The following PAFAH1B1 variants were observed in gnomAD, a reference collection of about 807,000 sequenced individuals.
PAFAH1B1 encodes platelet activating factor acetylhydrolase 1b regulatory subunit 1.
A neutral mutation model predicts 57.5 loss-of-function variants in PAFAH1B1; 2 were observed. That is an observed-to-expected ratio of 0.03 (90% CI 0.01 to 0.11). The LOEUF (loss-of-function observed/expected upper bound fraction) is 0.11. PAFAH1B1 is among the 10% of genes least tolerant of loss of function. The probability of loss-of-function intolerance (pLI) is 1.00; values close to 1 mark genes in which losing one functional copy is unlikely to be tolerated. For missense variants in PAFAH1B1, 257 were observed against 512.0 expected (o/e 0.50, Z 4.81); for synonymous variants, 152 against 169.6 (o/e 0.90, Z 0.81).
At position 2,667,069 on chromosome 17, in the gene PAFAH1B1, C is replaced by T; in HGVS notation, c.270C>T (p.Asp90=). Residue 90 remains aspartate, a synonymous_variant, in exon 5 of 11, where the codon GAC becomes GAT. Coordinates refer to ENST00000397195, the MANE Select transcript of PAFAH1B1 (RefSeq NM_000430.4). ...TSGGPLGQKR[D]PKEWIPRPPE... ...GTGGACCTCTTGGTCAGAAACGAGACCCAAAAGAATGGATTCCCCGTCCGC... is the reference window on the plus strand; with the variant it reads ...GTGGACCTCTTGGTCAGAAACGAGATCCAAAAGAATGGATTCCCCGTCCGC... The T allele has an allele frequency of 6.2e-7, 1 of 1,613,840 alleles. No individual in the cohort carries two copies.
intron 1 of PAFAH1B1, among the ~76,000 whole-genome samples, chr17:2,621,908 C>T (rs1453770120): frequency 2.6e-5 from 4 of 152,146 alleles, no homozygotes; most frequent in Non-Finnish European, 5.9e-5. Flanking sequence ...TTCCACATGG[C>T]TGGGGAGGCT....
At chr17:2,603,286 T>A (rs1021951926) in intron 1 of PAFAH1B1, among the ~76,000 whole-genome samples, 10 of 151,640 alleles carry the variant, frequency 6.6e-5, no homozygotes, top group African/African-American at 2.4e-4. Context: ...AGTAGCTGGG[T>A]CTACAGGCCC....
chr17:2,678,102 C>A (rs966858022), intron 9 of PAFAH1B1, among the ~76,000 whole-genome samples: 15 of 151,270 alleles, frequency 9.9e-5, no homozygotes, highest in African/African-American at 3.4e-4. Context: ...ACTAAAATTA[C>A]AAAAATTAGC....
At position 2,594,675 on chromosome 17, in the gene PAFAH1B1, G is replaced by A. The variant is rs555890536; in HGVS notation, c.-191+669G>A. Among the ~76,000 whole-genome samples the A allele has an allele frequency of 5.4e-3, 823 of 152,344 alleles. 6 individuals are homozygous for A. The highest frequency in any genetic ancestry group is 0.017 in the South Asian group (80 of 4,830). Reference sequence around the variant, plus strand: ...AGCCCGGCCCACCGAGCAATCCGCAGCATCCACCCACCGAATCTGGCAGGA... The same window carrying A: ...AGCCCGGCCCACCGAGCAATCCGCAACATCCACCCACCGAATCTGGCAGGA... On this transcript the variant is annotated intron_variant, in intron 1 of 10. Coordinates refer to ENST00000397195, the MANE Select transcript of PAFAH1B1 (RefSeq NM_000430.4).
chr17:2,677,952 TGATATA>T (rs2069298141), intron 9 of PAFAH1B1, among the ~76,000 whole-genome samples: 1 of 152,038 alleles, frequency 6.6e-6, no homozygotes, highest in Non-Finnish European at 1.5e-5. Context: ...TAAGAAAAGA[TGATATA>T]TAATTAAAAT....
At chr17:2,677,592 C>A (rs982399349) in intron 9 of PAFAH1B1, among the ~76,000 whole-genome samples, 1 of 152,196 alleles carries the variant, frequency 6.6e-6, no homozygotes, top group Non-Finnish European at 1.5e-5. Flanking sequence ...CGGTGGCTCA[C>A]GCCTGTAATC....
chr17:2,643,640 A>G (rs1408184539), intron 2 of PAFAH1B1, among the ~76,000 whole-genome samples: 2 of 150,866 alleles, frequency 1.3e-5, no homozygotes, highest in Admixed American at 6.6e-5. Context: ...GCTCCCTGCA[A>G]CCTCTGCCTC....
intron 1 of PAFAH1B1, among the ~76,000 whole-genome samples, chr17:2,620,430 A>G (rs1332839091): frequency 2.0e-5 from 3 of 152,208 alleles, no homozygotes; most frequent in Non-Finnish European, 2.9e-5. Context: ...TGATTATCTA[A>G]AAAATAGATT....
At position 2,683,819 on chromosome 17, in the gene PAFAH1B1, C is replaced by G. The variant is rs1471476459; in HGVS notation, c.*2017C>G. 6.6e-6 allele frequency: 1 copy of G among 152,578 alleles called. No homozygotes were observed. Among genetic ancestry groups the G allele is most frequent in the Non-Finnish European group, 1.5e-5 (1 of 68,028 alleles). The allele number at this position is 152,578 out of a possible 1,614,324, so 9.5% of individuals were successfully genotyped here. ...CTTTGTTCTTGTTTGCTGCTATTTT[C>G]TGTCCTATTTTGAGAAATATAAATA... On this transcript the variant is annotated 3_prime_UTR_variant, in exon 11 of 11. Coordinates refer to ENST00000397195, the MANE Select transcript of PAFAH1B1 (RefSeq NM_000430.4).
rs2068757548 is a variant in PAFAH1B1, at chr17:2,645,617, A to G, written c.32+7297A>G. ...CAAAAATATATATATTTATATATAT[A>G]TATATATTTTTTGTTAGACGGAGTC... On this transcript the variant is annotated intron_variant, in intron 2 of 10. Coordinates refer to ENST00000397195, the MANE Select transcript of PAFAH1B1 (RefSeq NM_000430.4). 4.1e-5 allele frequency among the ~76,000 whole-genome samples: 6 copies of G among 145,076 alleles called. No individual in the cohort carries two copies. The South Asian group carries it at 1.1e-3, about 27-fold the overall frequency.
rs1260633137 is a variant in PAFAH1B1, at chr17:2,683,450, G to C, written c.*1648G>C. On this transcript the variant is annotated 3_prime_UTR_variant, in exon 11 of 11. Transcript: ENST00000397195. ...TTAAATGTCCCCTTTAGTATTTAAT[G>C]GAAAATTGGTTCCTGCAAAAGACAA... 1.3e-5 allele frequency: 2 copies of C among 152,148 alleles called. No homozygotes were observed. The highest frequency in any genetic ancestry group is 2.9e-5 in the Non-Finnish European group (2 of 68,036). The allele number at this position is 152,148 out of a possible 1,614,324, so 9.4% of individuals were successfully genotyped here. A position where few individuals can be genotyped will look rare whatever the true frequency, so the allele number is the denominator to read the frequency against.
At chr17:2,636,267 GTGATGGCTTTCAGCTA>G (rs1255129889) in intron 1 of PAFAH1B1, among the ~76,000 whole-genome samples, 9 of 152,162 alleles carry the variant, frequency 5.9e-5, no homozygotes, top group African/African-American at 2.2e-4. Flanking sequence ...TGGAGTGATA[GTGATGGCTTTCAGCTA>G]TCATTTGTAG....
At chr17:2,678,704 A>T (rs973096678) in intron 9 of PAFAH1B1, among the ~76,000 whole-genome samples, 12 of 152,094 alleles carry the variant, frequency 7.9e-5, no homozygotes, top group Non-Finnish European at 7.4e-5. Context: ...ACATAACAAG[A>T]CCCTGTCTCT....
rs765106555 is a variant in PAFAH1B1 at position 2,672,651 on chromosome 17, T to G, written c.569-4T>G. On this transcript the variant is annotated splice_polypyrimidine_tract_variant and splice_region_variant and intron_variant, in intron 6 of 10. Transcript: ENST00000397195. ...TCATAATATATTGCTGTTATGTGTTTTAGGCCATGACCACAATGTTTCTTC... is the reference window on the plus strand; with the variant it reads ...TCATAATATATTGCTGTTATGTGTTGTAGGCCATGACCACAATGTTTCTTC... 9 of 1,591,940 alleles carry G rather than the reference T, an allele frequency of 5.7e-6. No individual in the cohort carries two copies. The highest frequency in any genetic ancestry group is 6.0e-6 in the Non-Finnish European group (7 of 1,159,810).
chr17:2,621,619 T>G (rs1274308220), intron 1 of PAFAH1B1, among the ~76,000 whole-genome samples: 1 of 56,994 alleles, frequency 1.8e-5, no homozygotes, highest in East Asian at 8.0e-4. Context: ...TTTTTTTTTT[T>G]TTTTTTTTTT....
At chr17:2,637,744 C>CT (rs1038392035) in intron 1 of PAFAH1B1, among the ~76,000 whole-genome samples, 2 of 152,110 alleles carry the variant, frequency 1.3e-5, no homozygotes, top group Non-Finnish European at 2.9e-5. Context: ...CCTTTTATAC[C>CT]TTTTTTGTAA....
At chr17:2,597,568 A>G (rs2068097899) in intron 1 of PAFAH1B1, among the ~76,000 whole-genome samples, 1 of 151,138 alleles carries the variant, frequency 6.6e-6, no homozygotes, top group Non-Finnish European at 1.5e-5. Flanking sequence ...CTGCCACTAC[A>G]CCTGGCTAAT....
intron 1 of PAFAH1B1, among the ~76,000 whole-genome samples, chr17:2,632,862 C>T (rs1007787075): frequency 6.6e-6 from 1 of 152,102 alleles, no homozygotes; most frequent in South Asian, 2.1e-4. Flanking sequence ...GTCCTAGAAC[C>T]ATTGCCCCAT....
At chr17:2,615,285 A>G (rs902845051) in intron 1 of PAFAH1B1, among the ~76,000 whole-genome samples, 13 of 152,164 alleles carry the variant, frequency 8.5e-5, no homozygotes, top group African/African-American at 3.1e-4. Flanking sequence ...GGGGTCCTGG[A>G]ATGACTGTAC....
Sources: allele counts gnomAD v4.1 joint callset (sites outside exome capture counted in the v4.1 genomes callset), GRCh38; gene constraint gnomAD v4.1.1; transcripts MANE v1.5; gene names NCBI Gene and HGNC (gene_info 2026-07-23, HGNC 2026-07-21).